Variants in SGCZ observed in about 807,000 individuals in gnomAD.
SGCZ encodes zeta-sarcoglycan.
Under a neutral mutation model 41.3 loss-of-function variants are expected in SGCZ, and 40 were observed. The ratio of observed to expected loss-of-function variants is 0.97; its 90% confidence interval spans 0.75 to 1.26. The LOEUF is 1.26. Among genes scored for constraint, SGCZ ranks in the 50% most tolerant of loss-of-function variants. The probability of loss-of-function intolerance (pLI) is 0.00; values close to 1 mark genes in which losing one functional copy is unlikely to be tolerated. For synonymous variants in SGCZ, 206 were observed against 137.5 expected, an observed-to-expected ratio of 1.50 and a Z score of -3.49; for missense variants, 552 against 369.8, an observed-to-expected ratio of 1.49 and a Z score of -4.04.
chr8:14,197,190 G>C (rs1176492429), intron 4 of SGCZ, among the ~76,000 whole-genome samples: 1 of 151,956 alleles, frequency 6.6e-6, no homozygotes, highest in Admixed American at 6.6e-5. Flanking sequence ...GCATAATAAT[G>C]GCATAATAAC....
intron 1 of SGCZ, among the ~76,000 whole-genome samples, chr8:14,919,970 G>A (rs1312910440): frequency 3.3e-5 from 5 of 151,968 alleles, no homozygotes; most frequent in African/African-American, 9.7e-5. Flanking sequence ...TAATTACTGC[G>A]ATGTTATTTT....
chr8:14,671,663 T>C (rs1808106549), intron 1 of SGCZ, among the ~76,000 whole-genome samples: 1 of 152,170 alleles, frequency 6.6e-6, no homozygotes. Flanking sequence ...GAGACATTTA[T>C]ATTCTTAACA....
rs185041916 is a variant in SGCZ, at chr8:14,604,241, T to C, written c.40-49315A>G. The stretch of plus-strand genomic sequence containing the variant: ...GCTTCTTCTTATAGAAGAAGAAGAA[T>C]GAAAAATCACTTGCATTTCACCACC... On this transcript the variant is annotated intron_variant, in intron 1 of 7. Coordinates refer to ENST00000382080, the MANE Select transcript of SGCZ (RefSeq NM_139167.4). 2.3e-3 allele frequency among the ~76,000 whole-genome samples: 352 copies of C among 152,212 alleles called. 1 individual carries two copies. The highest frequency in any genetic ancestry group is 3.7e-3 in the Non-Finnish European group (249 of 67,988).
chr8:15,228,330 G>C (rs1435675913), intron 1 of SGCZ, among the ~76,000 whole-genome samples: 1 of 152,174 alleles, frequency 6.6e-6, no homozygotes, highest in Admixed American at 6.5e-5. Context: ...ATTTCTCCCA[G>C]GGATGATTTA....
intron 5 of SGCZ, among the ~76,000 whole-genome samples, chr8:14,124,243 G>A (rs1485159294): frequency 1.3e-5 from 2 of 152,034 alleles, no homozygotes; most frequent in African/African-American, 2.4e-5. Flanking sequence ...CAGTCCATTC[G>A]AGCTTGAAAT....
chr8:14,441,532 G>A (rs181245549), intron 2 of SGCZ, among the ~76,000 whole-genome samples: 13 of 152,236 alleles, frequency 8.5e-5, no homozygotes, highest in South Asian at 4.1e-4. Flanking sequence ...CCAAGATCAC[G>A]TCACTGCACT....
rs192493720 is a variant in SGCZ at position 14,911,917 on chromosome 8, G to A, written c.39+325668C>T. On this transcript the variant is annotated intron_variant, in intron 1 of 7. Transcript: ENST00000382080. Reference sequence around the variant, plus strand: ...TAATATTTTATCTCTATACTGCAATGATAAATGGATTTTGCACAGGTCAAC... The same window carrying A: ...TAATATTTTATCTCTATACTGCAATAATAAATGGATTTTGCACAGGTCAAC... 5.5e-3 allele frequency among the ~76,000 whole-genome samples: 840 copies of A among 151,994 alleles called. 2 individuals are homozygous for A. Among genetic ancestry groups the A allele is most frequent in the Middle Eastern group, 0.024 (7 of 294 alleles).
chr8:14,204,279 T>G (rs1014618585), intron 4 of SGCZ, among the ~76,000 whole-genome samples: 1 of 73,258 alleles, frequency 1.4e-5, no homozygotes, highest in South Asian at 6.6e-4. Context: ...TCACTCTGAA[T>G]GTTTTTTTTT....
intron 1 of SGCZ, among the ~76,000 whole-genome samples, chr8:14,755,691 A>G (rs1311846977): frequency 6.6e-6 from 1 of 152,092 alleles, no homozygotes; most frequent in Non-Finnish European, 1.5e-5. Flanking sequence ...CTGGCCCATG[A>G]TCTTTATTGG....
chr8:15,133,666 T>G (rs1187830740), intron 1 of SGCZ, among the ~76,000 whole-genome samples: 1 of 152,184 alleles, frequency 6.6e-6, no homozygotes, highest in African/African-American at 2.4e-5. Context: ...TATGTTTACT[T>G]ATGAATAATG....
At chr8:14,664,752 A>G (rs536464577) in intron 1 of SGCZ, among the ~76,000 whole-genome samples, 3 of 152,308 alleles carry the variant, frequency 2.0e-5, no homozygotes, top group Admixed American at 6.5e-5. Context: ...AGCTGTTGAC[A>G]TTACTCTCAT....
chr8:14,103,857 T>G lies in SGCZ; in HGVS notation c.621-1358A>C, dbSNP rs570025644. On this transcript the variant is annotated intron_variant, in intron 6 of 7. Transcript: ENST00000382080. Reference sequence around the variant, plus strand: ...AATCACTCACAATCCTACTGCTTAATAAAATTTACTATTAGCATTTTACGC... The same window carrying G: ...AATCACTCACAATCCTACTGCTTAAGAAAATTTACTATTAGCATTTTACGC... 5.3e-5 allele frequency among the ~76,000 whole-genome samples: 8 copies of G among 152,344 alleles called. No homozygotes were observed. The East Asian group carries it at 1.5e-3, about 29-fold the overall frequency.
intron 1 of SGCZ, among the ~76,000 whole-genome samples, chr8:14,876,126 G>T (rs1367700482): frequency 6.6e-6 from 1 of 152,122 alleles, no homozygotes; most frequent in Admixed American, 6.6e-5. Context: ...AGACAATAGA[G>T]AGATCGGACT....
At chr8:14,426,031 A>T (rs1323307728) in intron 2 of SGCZ, among the ~76,000 whole-genome samples, 1 of 152,190 alleles carries the variant, frequency 6.6e-6, no homozygotes, top group African/African-American at 2.4e-5. Flanking sequence ...AATTTAATCC[A>T]TACAAGAATT....
At chr8:15,065,167 T>G (rs1805084312) in intron 1 of SGCZ, among the ~76,000 whole-genome samples, 1 of 152,138 alleles carries the variant, frequency 6.6e-6, no homozygotes, top group Admixed American at 6.5e-5. Flanking sequence ...TTACTCCAAG[T>G]GAGACCCACT....
At chr8:14,129,945 A>T (rs903644759) in intron 5 of SGCZ, among the ~76,000 whole-genome samples, 1 of 152,212 alleles carries the variant, frequency 6.6e-6, no homozygotes, top group African/African-American at 2.4e-5. Flanking sequence ...TGCAATCCTT[A>T]TCAAAATCAC....
chr8:14,244,552 C>T (rs1001269656), intron 3 of SGCZ, among the ~76,000 whole-genome samples: 1 of 151,946 alleles, frequency 6.6e-6, no homozygotes, highest in Non-Finnish European at 1.5e-5. Context: ...GTTCTTTTGG[C>T]TTAGGATTGA....
chr8:14,476,962 A>C (rs1309329901), intron 2 of SGCZ, among the ~76,000 whole-genome samples: 2 of 152,158 alleles, frequency 1.3e-5, no homozygotes, highest in Non-Finnish European at 2.9e-5. Flanking sequence ...GCAGGCTGTA[A>C]CCATACTTGC....
chr8:14,324,843 G>T (rs994515252), intron 2 of SGCZ, among the ~76,000 whole-genome samples: 1 of 152,128 alleles, frequency 6.6e-6, no homozygotes, highest in Non-Finnish European at 1.5e-5. Context: ...TATCTGATAA[G>T]ATAGTAAACC....
Sources: gnomAD v4.1 joint callset for allele counts (sites outside exome capture counted in the v4.1 genomes callset) on GRCh38, gnomAD v4.1.1 for gene constraint, MANE v1.5 for transcripts, NCBI Gene and HGNC (gene_info 2026-07-23, HGNC 2026-07-21) for gene names.